The following FNDC3A variants were observed in gnomAD, a reference collection of about 807,000 sequenced individuals.
FNDC3A encodes fibronectin type-III domain-containing protein 3A.
A neutral mutation model predicts 148.9 loss-of-function variants in FNDC3A; 32 were observed. That is an observed-to-expected ratio of 0.21 (90% CI 0.16 to 0.29). FNDC3A has a LOEUF of 0.29. Among genes scored for constraint, FNDC3A ranks in the 10% least tolerant of loss-of-function variants. The pLI is 1.00. For synonymous variants in FNDC3A, 472 were observed against 473.6 expected (o/e 1.00, Z 0.04); for missense variants, 1,191 against 1,452.8 (o/e 0.82, Z 2.93).
intron 3 of FNDC3A, among the ~76,000 whole-genome samples, chr13:49,089,456 A>G (rs1432980275): frequency 1.3e-5 from 2 of 152,220 alleles, no homozygotes; most frequent in African/African-American, 4.8e-5. Context: ...ATTGTCTGGA[A>G]TAAACCTCAC....
chr13:48,988,668 C>G (rs1951849401), intron 1 of FNDC3A, among the ~76,000 whole-genome samples: 1 of 151,440 alleles, frequency 6.6e-6, no homozygotes, highest in Admixed American at 6.6e-5. Flanking sequence ...ATAGCAAGAC[C>G]TTGTTTTTAC....
chr13:49,039,984 G>C (rs1874800532), intron 2 of FNDC3A, among the ~76,000 whole-genome samples: 1 of 152,206 alleles, frequency 6.6e-6, no homozygotes. Context: ...AAAGTACTGG[G>C]ATTACAGGCG....
At chr13:49,149,760 G>A (rs555096158) in intron 8 of FNDC3A, among the ~76,000 whole-genome samples, 1 of 152,288 alleles carries the variant, frequency 6.6e-6, no homozygotes, top group East Asian at 1.9e-4. Flanking sequence ...ATAGTTTGAG[G>A]AGAATTGGTG....
intron 2 of FNDC3A, among the ~76,000 whole-genome samples, chr13:49,019,411 C>G (rs919289571): frequency 6.6e-6 from 1 of 152,216 alleles, no homozygotes; most frequent in Admixed American, 6.5e-5. Context: ...AAGGGAACTC[C>G]CTGACCCCTT....
At chr13:49,122,435 G>A (rs1881414747) in intron 4 of FNDC3A, among the ~76,000 whole-genome samples, 1 of 152,188 alleles carries the variant, frequency 6.6e-6, no homozygotes, top group African/African-American at 2.4e-5. Context: ...TTGAAAACCA[G>A]CAGAAGACAA....
At chr13:48,998,132 A>AAG (rs1427656201) in intron 1 of FNDC3A, among the ~76,000 whole-genome samples, 2 of 152,192 alleles carry the variant, frequency 1.3e-5, no homozygotes, top group Non-Finnish European at 2.9e-5. Flanking sequence ...CAATCCTTGT[A>AAG]ATAAAGTGGC....
intron 4 of FNDC3A, among the ~76,000 whole-genome samples, chr13:49,127,882 C>CTT (rs557919596): frequency 6.8e-6 from 1 of 147,698 alleles, no homozygotes. Context: ...TGTTTCTCTA[C>CTT]TTTTTTTTTT....
At position 49,095,766 on chromosome 13, in the gene FNDC3A, G is replaced by A. The variant is rs151313266; in HGVS notation, c.176-18889G>A. ...ACTAATTAAGCATTCTAACCCAGGG[G>A]CAAACCTTTGTAATTTTTTTCCAGG... On this transcript the variant is annotated intron_variant, in intron 3 of 25. Coordinates refer to ENST00000492622, the MANE Select transcript of FNDC3A (RefSeq NM_001079673.2). 4.8e-3 allele frequency among the ~76,000 whole-genome samples: 723 copies of A among 152,120 alleles called. 10 individuals are homozygous for A. Among genetic ancestry groups the A allele is most frequent in the African/African-American group, 0.016 (682 of 41,506 alleles).
At chr13:49,111,323 G>A (rs1018297163) in intron 3 of FNDC3A, among the ~76,000 whole-genome samples, 4 of 152,112 alleles carry the variant, frequency 2.6e-5, no homozygotes, top group African/African-American at 4.8e-5. Flanking sequence ...TCTAAACATC[G>A]ATACTTGTAT....
At chr13:48,975,699 T>A (rs1951584685), upstream of FNDC3A, 2 of 152,176 alleles carry the variant, frequency 1.3e-5, no homozygotes, top group African/African-American at 4.8e-5. Flanking sequence ...CAGCCGGGCC[T>A]CGGGAGAAAG....
chr13:49,181,289 A>G (rs866785776), intron 14 of FNDC3A, among the ~76,000 whole-genome samples: 1 of 152,242 alleles, frequency 6.6e-6, no homozygotes, highest in Non-Finnish European at 1.5e-5. Context: ...AGGGGGCTAT[A>G]TTCTGGCTTA....
chr13:49,168,717 A>G lies in FNDC3A; in HGVS notation c.1142A>G (p.Asn381Ser), dbSNP rs754475479. ...PDIPNPPRIANRTKNSLTLQW... is the reference protein window; with the variant it reads ...PDIPNPPRIASRTKNSLTLQW... Reference sequence around the variant, plus strand: ...ATACCTAATCCACCAAGGATAGCCAATCGGACCAAAAATTCACTCACTTTG... The same window carrying G: ...ATACCTAATCCACCAAGGATAGCCAGTCGGACCAAAAATTCACTCACTTTG... The change falls in exon 10 of 26, where the codon AAT becomes AGT. Residue 381 changes from asparagine (N) to serine (S), a missense_variant. This residue lies in a region of FNDC3A where 426 missense variants were observed against 473.2 expected (regional missense o/e 0.90). Transcript: ENST00000492622. 30 of 1,613,620 alleles carry G rather than the reference A, an allele frequency of 1.9e-5. No individual in the cohort carries two copies. The highest frequency in any genetic ancestry group is 1.1e-4 in the African/African-American group (8 of 74,912).
chr13:49,000,465 T>A (rs1186746040), intron 1 of FNDC3A, among the ~76,000 whole-genome samples: 1 of 152,252 alleles, frequency 6.6e-6, no homozygotes, highest in Non-Finnish European at 1.5e-5. Flanking sequence ...AGTACCACAC[T>A]GTTTTGATTC....
chr13:49,053,110 C>G (rs1471877745), intron 2 of FNDC3A, among the ~76,000 whole-genome samples: 2 of 152,186 alleles, frequency 1.3e-5, no homozygotes, highest in Non-Finnish European at 2.9e-5. Context: ...TTCTAGGCAG[C>G]TAGTGACTAG....
At chr13:48,998,488 A>G (rs1381344253) in intron 1 of FNDC3A, among the ~76,000 whole-genome samples, 2 of 152,214 alleles carry the variant, frequency 1.3e-5, no homozygotes, top group African/African-American at 4.8e-5. Flanking sequence ...TATGTAAAAC[A>G]TAAATGAATT....
In FNDC3A at chr13:49,207,072, T is replaced by C. The variant is rs763804066; in HGVS notation, c.3283-9T>C. ...CACGTAATTCTTCCTTCTAATATTT[T>C]ATTAACAGATTTACAAGGGTCCCGA... is the stretch of plus-strand genomic sequence containing the variant. On this transcript the variant is annotated splice_polypyrimidine_tract_variant and intron_variant, in intron 25 of 25. Transcript: ENST00000492622. 2.5e-6 allele frequency: 4 copies of C among 1,596,494 alleles called. No homozygotes were observed. Among genetic ancestry groups the C allele is most frequent in the Non-Finnish European group, 3.4e-6 (4 of 1,165,872 alleles).
chr13:49,107,430 A>G (rs891825504), intron 3 of FNDC3A, among the ~76,000 whole-genome samples: 2 of 152,226 alleles, frequency 1.3e-5, no homozygotes, highest in Non-Finnish European at 2.9e-5. Flanking sequence ...TTATGGGCAC[A>G]GATGCAATGG....
At chr13:49,167,598 C>T (rs1470770965) in intron 9 of FNDC3A, among the ~76,000 whole-genome samples, 4 of 151,744 alleles carry the variant, frequency 2.6e-5, no homozygotes, top group Non-Finnish European at 5.9e-5. Context: ...ATCAGCTACT[C>T]GGAAGGCTGA....
At chr13:49,192,905 TAC>T (rs1885958859) in intron 19 of FNDC3A, among the ~76,000 whole-genome samples, 1 of 152,238 alleles carries the variant, frequency 6.6e-6, no homozygotes, top group African/African-American at 2.4e-5. Context: ...GTACACTATT[TAC>T]AGTTTTATTT....
Sources: gnomAD v4.1 joint callset for allele counts (sites outside exome capture counted in the v4.1 genomes callset) on GRCh38, gnomAD v4.1.1 for gene constraint, gnomAD v4.1.1 regional missense constraint, MANE v1.5 for transcripts, NCBI Gene and HGNC (gene_info 2026-07-23, HGNC 2026-07-21) for gene names.